PCDHA9: variants seen among roughly 807,000 people sequenced by gnomAD.
PCDHA9 encodes the protein protocadherin alpha-9.
Under a neutral mutation model 62.0 loss-of-function variants are expected in PCDHA9, and 62 were observed. That is an observed-to-expected ratio of 1.00 (90% CI 0.81 to 1.23). The LOEUF (loss-of-function observed/expected upper bound fraction) is 1.23. Ranked by LOEUF, PCDHA9 falls within the 50% of genes most tolerant of loss-of-function variation. The probability of loss-of-function intolerance (pLI) is 0.00; values close to 1 mark genes in which losing one functional copy is unlikely to be tolerated. For synonymous variants in PCDHA9, 557 were observed against 567.6 expected (o/e 0.98, Z 0.27); for missense variants, 1,205 against 1,249.8 (o/e 0.96, Z 0.54).
At chr5:141,008,347 G>A (rs551037675) in intron 3 of PCDHA9, among the ~76,000 whole-genome samples, 7 of 152,244 alleles carry the variant, frequency 4.6e-5, no homozygotes, top group South Asian at 2.1e-4. Flanking sequence ...AGCTTTTCAC[G>A]TGTCAACCAA....
At chr5:140,852,781 G>A (rs1213399832) in intron 1 of PCDHA9, 1 of 979,508 alleles carries the variant, frequency 1.0e-6, no homozygotes, top group African/African-American at 1.8e-5. Flanking sequence ...GATGTGAATA[G>A]AGGGATGCTA....
intron 1 of PCDHA9, among the ~76,000 whole-genome samples, chr5:140,956,473 A>G (rs1269855039): frequency 1.1e-4 from 17 of 152,136 alleles, no homozygotes; most frequent in Admixed American, 1.1e-3. Context: ...CATATGTTGA[A>G]CCAGTCTTGC....
intron 3 of PCDHA9, among the ~76,000 whole-genome samples, chr5:140,992,394 G>A (rs1338899804): frequency 2.0e-5 from 3 of 152,170 alleles, no homozygotes; most frequent in African/African-American, 7.2e-5. Flanking sequence ...TCTGGACTTA[G>A]AGATATTGTT....
chr5:140,952,266 G>T (rs2094712993), intron 1 of PCDHA9, among the ~76,000 whole-genome samples: 1 of 151,598 alleles, frequency 6.6e-6, no homozygotes, highest in South Asian at 2.1e-4. Context: ...CCATTCTGGG[G>T]TCTTGAGGGT....
At chr5:140,942,705 T>TA (rs1220612434) in intron 1 of PCDHA9, among the ~76,000 whole-genome samples, 1 of 152,100 alleles carries the variant, frequency 6.6e-6, no homozygotes, top group Non-Finnish European at 1.5e-5. Flanking sequence ...AAATATGAAG[T>TA]AAAAGTATGA....
chr5:140,878,060 T>C (rs1251415258), intron 1 of PCDHA9: 2 of 426,090 alleles, frequency 4.7e-6, no homozygotes, highest in Non-Finnish European at 7.6e-6. Flanking sequence ...CCACACTTAA[T>C]ATTTTTCTTT....
intron 3 of PCDHA9, among the ~76,000 whole-genome samples, chr5:140,983,479 G>A (rs1297150913): frequency 1.3e-5 from 2 of 152,194 alleles, no homozygotes; most frequent in Non-Finnish European, 2.9e-5. Context: ...GATAATAGTA[G>A]TTACTAATTA....
rs547166699 is a variant in PCDHA9 at position 140,982,068 on chromosome 5, TTAGAG to T, written c.2454-401_2454-397del. On this transcript the variant is annotated intron_variant, in intron 2 of 3. Transcript: ENST00000532602. ...AAAATATTTTAGTGTGTTTTCTTCT[TTAGAG>T]TAGAGAACCTAGGAACAAGAGAACC... 3.5e-3 allele frequency among the ~76,000 whole-genome samples: 532 copies of T among 152,340 alleles called. 2 individuals carry two copies. Among genetic ancestry groups the T allele is most frequent in the Non-Finnish European group, 5.4e-3 (369 of 68,028 alleles).
chr5:140,863,411 T>G, intron 1 of PCDHA9: 4 of 754,032 alleles, frequency 5.3e-6, no homozygotes, highest in African/African-American at 1.8e-5. Context: ...CCCACGCTGG[T>G]GTACCGCAGC....
chr5:140,972,589 T>C (rs1258846206), intron 1 of PCDHA9, among the ~76,000 whole-genome samples: 2 of 152,074 alleles, frequency 1.3e-5, no homozygotes, highest in Non-Finnish European at 2.9e-5. Flanking sequence ...AGAATTTCTC[T>C]TTGGAAATTT....
rs2097783097 is a variant in PCDHA9, at chr5:140,997,727, C to T, written c.2543-11900C>T. Reference sequence around the variant, plus strand: ...TAACAAACACCTTTCTACGTCAGTACATATAGATTTGCCACAATCTTCTTG... The same window carrying T: ...TAACAAACACCTTTCTACGTCAGTATATATAGATTTGCCACAATCTTCTTG... On this transcript the variant is annotated intron_variant, in intron 3 of 3. Coordinates refer to ENST00000532602, the MANE Select transcript of PCDHA9 (RefSeq NM_031857.2). Among the ~76,000 whole-genome samples the T allele has an allele frequency of 2.0e-5, 3 of 151,244 alleles. No individual in the cohort carries two copies. In the South Asian group the frequency reaches 6.3e-4, roughly 32 times the overall value.
intron 1 of PCDHA9, among the ~76,000 whole-genome samples, chr5:140,971,149 G>C (rs2096459410): frequency 1.3e-5 from 2 of 152,200 alleles, no homozygotes; most frequent in Admixed American, 1.3e-4. Context: ...GAACAAGTCA[G>C]GCCAGGCTCA....
At chr5:140,929,316 C>A in intron 1 of PCDHA9, 1 of 1,556,954 alleles carries the variant, frequency 6.4e-7, no homozygotes, top group South Asian at 1.2e-5. Flanking sequence ...ACGCTAATGT[C>A]AATGCCATGG....
rs181377286 is a variant in PCDHA9 at position 140,886,682 on chromosome 5, G to C, written c.2394+35793G>C. Among the ~76,000 whole-genome samples, 463 of 151,736 alleles carry C rather than the reference G, an allele frequency of 3.1e-3. 3 individuals carry two copies. Among genetic ancestry groups the C allele is most frequent in the Middle Eastern group, 0.014 (4 of 294 alleles). The stretch of plus-strand genomic sequence containing the variant: ...CTCTACTAAAAATACAAAAATTAGC[G>C]AGGCATGGTGGCACGCGCCTGTAAT... On this transcript the variant is annotated intron_variant, in intron 1 of 3. Coordinates refer to ENST00000532602, the MANE Select transcript of PCDHA9 (RefSeq NM_031857.2).
At chr5:140,883,316 G>A in intron 1 of PCDHA9, 1 of 1,614,078 alleles carries the variant, frequency 6.2e-7, no homozygotes, top group East Asian at 2.2e-5. Context: ...CGCCCCAGAG[G>A]TTACCATCAC....
intron 3 of PCDHA9, among the ~76,000 whole-genome samples, chr5:140,984,938 G>A (rs1355399601): frequency 2.0e-5 from 3 of 151,924 alleles, no homozygotes; most frequent in Non-Finnish European, 2.9e-5. Flanking sequence ...GTTAATAAAT[G>A]TCTAATCTTT....
At chr5:140,882,048 C>T in intron 1 of PCDHA9, 1 of 745,800 alleles carries the variant, frequency 1.3e-6, no homozygotes, top group Non-Finnish European at 2.1e-6. Context: ...CTGAGTCATA[C>T]TTACACTTAC....
intron 1 of PCDHA9, among the ~76,000 whole-genome samples, chr5:140,874,668 A>G (rs1424174427): frequency 6.6e-6 from 1 of 152,238 alleles, no homozygotes; most frequent in African/African-American, 2.4e-5. Context: ...TCCAGAATCT[A>G]TTCCTGAGAT....
chr5:140,882,770 T>C (rs781904504), intron 1 of PCDHA9: 4 of 1,614,144 alleles, frequency 2.5e-6, no homozygotes, highest in Non-Finnish European at 3.4e-6. Flanking sequence ...AAACTCGGCA[T>C]TGACCTACCG....
Sources: allele counts gnomAD v4.1 joint callset (sites outside exome capture counted in the v4.1 genomes callset), GRCh38; gene constraint gnomAD v4.1.1; transcripts MANE v1.5; gene names NCBI Gene and HGNC (gene_info 2026-07-23, HGNC 2026-07-21).